The following BTBD9 variants were observed in gnomAD, a reference collection of about 807,000 sequenced individuals.
The protein encoded by BTBD9 is BTB/POZ domain-containing protein 9.
Under a neutral mutation model 64.3 loss-of-function variants are expected in BTBD9, and 49 were observed. The ratio of observed to expected loss-of-function variants is 0.76; its 90% CI spans 0.61 to 0.97. BTBD9 has a LOEUF of 0.97. Among genes scored for constraint, BTBD9 ranks in the 50% least tolerant of loss-of-function variants. BTBD9 has a pLI of 0.00. For synonymous variants in BTBD9, 260 were observed against 274.7 expected (o/e 0.95, Z 0.53); for missense variants, 598 against 762.1 (o/e 0.78, Z 2.53).
At chr6:38,638,438 T>G (rs766481179) in intron 1 of BTBD9, among the ~76,000 whole-genome samples, 1 of 152,198 alleles carries the variant, frequency 6.6e-6, no homozygotes, top group Non-Finnish European at 1.5e-5. Context: ...ATACACCACT[T>G]GAGCATAGTG....
At chr6:38,270,451 C>A (rs1269331672) in intron 8 of BTBD9, among the ~76,000 whole-genome samples, 1 of 151,882 alleles carries the variant, frequency 6.6e-6, no homozygotes, top group East Asian at 1.9e-4. Context: ...TGGGTGAGAT[C>A]TCAGATTTCT....
At chr6:38,562,291 C>T (rs968896511) in intron 6 of BTBD9, among the ~76,000 whole-genome samples, 3 of 152,144 alleles carry the variant, frequency 2.0e-5, no homozygotes, top group Admixed American at 1.3e-4. Flanking sequence ...CTCCTGAATC[C>T]GTTTAATCAG....
rs539714303 is a variant in BTBD9, at chr6:38,255,928, G to C, written c.1562+481C>G. On this transcript the variant is annotated intron_variant, in intron 9 of 10. Transcript: ENST00000481247. ...CACTGGGGCCTGTCGTGGGGTTGGG[G>C]GGGTAGGAGAGGGATAGCATTAAGA... Among the ~76,000 whole-genome samples the C allele has an allele frequency of 9.9e-5, 15 of 152,230 alleles. No homozygotes were observed. The South Asian group carries it at 2.7e-3, about 27-fold the overall frequency.
intron 6 of BTBD9, among the ~76,000 whole-genome samples, chr6:38,479,228 G>A (rs1771022085): frequency 6.6e-6 from 1 of 152,082 alleles, no homozygotes; most frequent in African/African-American, 2.4e-5. Flanking sequence ...GAGCACAGGG[G>A]TTCAGACACA....
At chr6:38,357,485 G>A (rs539635413) in intron 6 of BTBD9, among the ~76,000 whole-genome samples, 1 of 152,300 alleles carries the variant, frequency 6.6e-6, no homozygotes, top group Admixed American at 6.5e-5. Flanking sequence ...GATGTGTTCT[G>A]AAGGGAGTAA....
intron 7 of BTBD9, among the ~76,000 whole-genome samples, chr6:38,302,564 G>A (rs1438530360): frequency 7.0e-6 from 1 of 142,700 alleles, no homozygotes; most frequent in Non-Finnish European, 1.5e-5. Flanking sequence ...TGGACACTTA[G>A]GTTGATTTTA....
intron 6 of BTBD9, among the ~76,000 whole-genome samples, chr6:38,556,546 TGTGTGAGAGAGAGA>T (rs1426923042): frequency 1.1e-4 from 11 of 101,968 alleles, no homozygotes; most frequent in Admixed American, 3.7e-4. Context: ...TGTGTGTGTG[TGTGTGAGAGAGAGA>T]GAGAGAGAGA....
chr6:38,282,279 C>A (rs1761541048), intron 8 of BTBD9, among the ~76,000 whole-genome samples: 1 of 152,198 alleles, frequency 6.6e-6, no homozygotes, highest in Admixed American at 6.5e-5. Context: ...ATTTCTCTCT[C>A]TTTTCTTGAA....
chr6:38,277,484 C>T (rs140219135), intron 8 of BTBD9, among the ~76,000 whole-genome samples: 126 of 152,208 alleles, frequency 8.3e-4, no homozygotes, highest in Non-Finnish European at 1.5e-3. Context: ...CAGGCGCCCA[C>T]CACCACGCCT....
chr6:38,399,165 T>C (rs1229332507), intron 6 of BTBD9, among the ~76,000 whole-genome samples: 2 of 152,162 alleles, frequency 1.3e-5, no homozygotes, highest in African/African-American at 2.4e-5. Context: ...TTAAATCCAT[T>C]ATAAAAAGCT....
At chr6:38,616,376 G>A (rs530497080) in intron 1 of BTBD9, among the ~76,000 whole-genome samples, 7 of 152,138 alleles carry the variant, frequency 4.6e-5, no homozygotes, top group African/African-American at 7.2e-5. Context: ...CAGACCCAAC[G>A]CCTACTTTTT....
At chr6:38,280,377 A>G (rs1298036481) in intron 8 of BTBD9, among the ~76,000 whole-genome samples, 1 of 152,258 alleles carries the variant, frequency 6.6e-6, no homozygotes, top group Non-Finnish European at 1.5e-5. Flanking sequence ...ACACTTAGTA[A>G]TAAATCATGG....
intron 9 of BTBD9, among the ~76,000 whole-genome samples, chr6:38,238,335 T>A (rs1034098039): frequency 6.6e-6 from 1 of 152,226 alleles, no homozygotes; most frequent in Non-Finnish European, 1.5e-5. Context: ...TTACATTGGT[T>A]CCACCTGGAA....
At chr6:38,220,461 C>T (rs1763162810) in intron 9 of BTBD9, among the ~76,000 whole-genome samples, 1 of 152,214 alleles carries the variant, frequency 6.6e-6, no homozygotes, top group Non-Finnish European at 1.5e-5. Flanking sequence ...GGACTTGAAT[C>T]CTTTCTGCAT....
intron 9 of BTBD9, among the ~76,000 whole-genome samples, chr6:38,250,590 A>G (rs1423987065): frequency 6.6e-6 from 1 of 152,214 alleles, no homozygotes; most frequent in Non-Finnish European, 1.5e-5. Context: ...ATCAATTTAT[A>G]GTTAACATAT....
intron 6 of BTBD9, among the ~76,000 whole-genome samples, chr6:38,455,263 C>T (rs1186953965): frequency 6.6e-6 from 1 of 152,128 alleles, no homozygotes; most frequent in Non-Finnish European, 1.5e-5. Context: ...CTTGGGCTGC[C>T]TTTTTGTAGT....
At chr6:38,434,194 A>G (rs745872681) in intron 6 of BTBD9, among the ~76,000 whole-genome samples, 16 of 152,010 alleles carry the variant, frequency 1.1e-4, no homozygotes, top group Non-Finnish European at 2.1e-4. Flanking sequence ...AAGAATCTCT[A>G]TTAACATAGC....
At chr6:38,338,916 C>A (rs1488046125) in intron 7 of BTBD9, among the ~76,000 whole-genome samples, 1 of 152,142 alleles carries the variant, frequency 6.6e-6, no homozygotes, top group African/African-American at 2.4e-5. Context: ...ACTGAGATAC[C>A]ATTTCTCACC....
chr6:38,548,545 C>T (rs1301885407), intron 6 of BTBD9, among the ~76,000 whole-genome samples: 2 of 152,044 alleles, frequency 1.3e-5, no homozygotes, highest in African/African-American at 4.8e-5. Context: ...TCGTGCATTC[C>T]TAGATGGCAT....
Sources: gnomAD v4.1 joint callset for allele counts (sites outside exome capture counted in the v4.1 genomes callset) on GRCh38, gnomAD v4.1.1 for gene constraint, MANE v1.5 for transcripts, NCBI Gene and HGNC (gene_info 2026-07-23, HGNC 2026-07-21) for gene names.